FAM227B: variants seen among roughly 807,000 people sequenced by gnomAD.
FAM227B encodes protein FAM227B.
In FAM227B, 88 loss-of-function variants were observed where a neutral mutation model predicts 73.8. The observed-to-expected ratio is 1.19, with a 90% CI of 1.00 to 1.42. The LOEUF (loss-of-function observed/expected upper bound fraction) is 1.42. FAM227B is among the 40% of genes most tolerant of loss of function. The pLI, the probability that FAM227B is intolerant of heterozygous loss-of-function variation, is 0.00. For synonymous variants in FAM227B, 210 were observed against 190.5 expected, an observed-to-expected ratio of 1.10 and a Z score of -0.84; for missense variants, 632 against 590.9, an observed-to-expected ratio of 1.07 and a Z score of -0.72.
At chr15:49,404,489 G>T (rs760843416) in intron 11 of FAM227B, among the ~76,000 whole-genome samples, 21 of 152,114 alleles carry the variant, frequency 1.4e-4, no homozygotes, top group Non-Finnish European at 2.2e-4. Context: ...TCTTCTTACT[G>T]AATTGAACCC....
intron 11 of FAM227B, among the ~76,000 whole-genome samples, chr15:49,461,225 T>C (rs1238800165): frequency 6.6e-6 from 1 of 152,176 alleles, no homozygotes; most frequent in Non-Finnish European, 1.5e-5. Context: ...TCCTTGTCAT[T>C]TGGGCTAATT....
intron 10 of FAM227B, among the ~76,000 whole-genome samples, chr15:49,514,438 T>A (rs1273659349): frequency 6.6e-6 from 1 of 152,048 alleles, no homozygotes; most frequent in African/African-American, 2.4e-5. Flanking sequence ...GATGTTTGTA[T>A]ATTGATTTTG....
intron 11 of FAM227B, among the ~76,000 whole-genome samples, chr15:49,418,353 C>T (rs111829558): frequency 0.024 from 3,662 of 152,298 alleles, 93 homozygotes; most frequent in South Asian, 0.13. Context: ...CATAAAGACA[C>T]ATGCATGTGT....
chr15:49,519,554 C>G (rs2059632705), intron 10 of FAM227B, among the ~76,000 whole-genome samples: 1 of 152,144 alleles, frequency 6.6e-6, no homozygotes, highest in Non-Finnish European at 1.5e-5. Flanking sequence ...AGGCTCAACA[C>G]CATGTGTAAG....
At chr15:49,328,716 T>G in intron 15 of FAM227B, 41 bp from the exon 16 acceptor site, 1 of 1,545,226 alleles carries the variant, frequency 6.5e-7, no homozygotes, top group Non-Finnish European at 8.7e-7. Flanking sequence ...CAGATCTTCT[T>G]GGACATTGTA....
intron 3 of FAM227B, among the ~76,000 whole-genome samples, chr15:49,602,527 A>G (rs1196152411): frequency 6.6e-6 from 1 of 152,150 alleles, no homozygotes; most frequent in Non-Finnish European, 1.5e-5. Context: ...AGCTCCTTAT[A>G]TATTCTGGTT....
chr15:49,389,135 C>T (rs1475948244), intron 11 of FAM227B, among the ~76,000 whole-genome samples: 1 of 151,992 alleles, frequency 6.6e-6, no homozygotes, highest in Non-Finnish European at 1.5e-5. Context: ...AGCAATCCCA[C>T]TGTGGGGTAT....
chr15:49,588,232 A>T (rs921075645), intron 4 of FAM227B, 149 bp from the exon 5 acceptor site: 16 of 404,534 alleles, frequency 4.0e-5, no homozygotes, highest in African/African-American at 3.3e-4. Flanking sequence ...GTTAATACAC[A>T]CTGTTAGCTG....
intron 11 of FAM227B, among the ~76,000 whole-genome samples, chr15:49,498,696 G>A (rs950704615): frequency 5.9e-5 from 9 of 152,100 alleles, no homozygotes; most frequent in African/African-American, 2.2e-4. Flanking sequence ...AAAGAATCAA[G>A]ACCCAATAGT....
chr15:49,561,571 C>T (rs1479805770), intron 9 of FAM227B, among the ~76,000 whole-genome samples: 3 of 152,150 alleles, frequency 2.0e-5, no homozygotes, highest in Admixed American at 6.5e-5. Context: ...GCATTATTCT[C>T]ATCTTCACAT....
chr15:49,395,954 C>A (rs2047558256), intron 11 of FAM227B: 1 of 455,804 alleles, frequency 2.2e-6, no homozygotes, highest in African/African-American at 2.0e-5. Context: ...CAGAGGAGAA[C>A]AAAATGTGGG....
intron 11 of FAM227B, among the ~76,000 whole-genome samples, chr15:49,422,204 ATAT>A (rs1267188946): frequency 1.3e-5 from 2 of 151,576 alleles, no homozygotes. Context: ...TTTGAGGAGT[ATAT>A]AACATGAAAA....
chr15:49,533,828 T>G (rs1015926506), intron 10 of FAM227B, among the ~76,000 whole-genome samples: 2 of 151,878 alleles, frequency 1.3e-5, no homozygotes, highest in African/African-American at 4.8e-5. Context: ...ATTCAGCCCC[T>G]CTCTATCTTT....
At chr15:49,328,913 T>TTAGA in intron 15 of FAM227B, 1 of 1,226,424 alleles carries the variant, frequency 8.2e-7, no homozygotes, top group East Asian at 3.1e-5. Context: ...ATAGAAAAAC[T>TTAGA]TAGATAAAAA....
intron 11 of FAM227B, among the ~76,000 whole-genome samples, chr15:49,489,869 TATATATATATATATAG>T (rs1567383136): frequency 5.9e-3 from 91 of 15,316 alleles, no homozygotes; most frequent in Admixed American, 9.1e-3. Context: ...TTTATATATA[TATATATATATATATAG>T]AGAGAGAGAG....
Position 49,328,302 on chromosome 15 carries a change from G to T in FAM227B, c.*266C>A. The T allele has an allele frequency of 7.0e-7, 1 of 1,435,846 alleles. No homozygotes were observed. The allele number at this position is 1,435,846 out of a possible 1,614,324, so 88.9% of individuals were successfully genotyped here. A position where few individuals can be genotyped will look rare whatever the true frequency, so the allele number is the denominator to read the frequency against. On this transcript the variant is annotated 3_prime_UTR_variant, in exon 16 of 16. Coordinates refer to ENST00000299338, the MANE Select transcript of FAM227B (RefSeq NM_152647.3). ...TATCAAGATATATTTTCAAAGAAAT[G>T]GTTGAAAGCTCTCTATGCTTCATAA...
At chr15:49,380,803 G>C (rs139413179) in intron 11 of FAM227B, among the ~76,000 whole-genome samples, 2,088 of 151,920 alleles carry the variant, frequency 0.014, 17 homozygotes, top group Middle Eastern at 0.024. Flanking sequence ...GATTTAATTG[G>C]CCCCTTGTGA....
chr15:49,441,356 T>G (rs1033512267), intron 11 of FAM227B, among the ~76,000 whole-genome samples: 4 of 151,784 alleles, frequency 2.6e-5, no homozygotes, highest in African/African-American at 9.7e-5. Flanking sequence ...ACATATGTCT[T>G]GGATTCAGCC....
chr15:49,548,204 T>A (rs1378742931), intron 9 of FAM227B, among the ~76,000 whole-genome samples: 4 of 152,180 alleles, frequency 2.6e-5, no homozygotes, highest in Non-Finnish European at 4.4e-5. Flanking sequence ...ATATCACCAA[T>A]TTTTTGATAA....
Sources: allele counts gnomAD v4.1 joint callset (sites outside exome capture counted in the v4.1 genomes callset), GRCh38; gene constraint gnomAD v4.1.1; transcripts MANE v1.5; gene names NCBI Gene and HGNC (gene_info 2026-07-23, HGNC 2026-07-21).